The following STK33 variants were observed in gnomAD, a reference collection of about 807,000 sequenced individuals.
The protein encoded by STK33 is serine/threonine kinase 33.
Under a neutral mutation model 58.0 loss-of-function variants are expected in STK33, and 52 were observed. The ratio of observed to expected loss-of-function variants is 0.90; its 90% CI spans 0.72 to 1.13. The LOEUF (loss-of-function observed/expected upper bound fraction) is 1.13. Among genes scored for constraint, STK33 ranks in the 50% most tolerant of loss-of-function variants. STK33 has a pLI of 0.00. For missense variants in STK33, 630 were observed against 604.2 expected, an observed-to-expected ratio of 1.04 and a Z score of -0.45; for synonymous variants, 215 against 200.1, an observed-to-expected ratio of 1.07 and a Z score of -0.63.
At chr11:8,570,144 T>A in intron 1 of STK33, among the ~76,000 whole-genome samples, 2 of 152,134 alleles carry the variant, frequency 1.3e-5, no homozygotes, top group Non-Finnish European at 2.9e-5. Flanking sequence ...ATATGAGTGT[T>A]CAATTAATAG....
chr11:8,507,152 C>A (rs1951922249), intron 1 of STK33, among the ~76,000 whole-genome samples: 1 of 152,134 alleles, frequency 6.6e-6, no homozygotes, highest in South Asian at 2.1e-4. Flanking sequence ...TGACGCAAGG[C>A]CTTCTAGCAG....
At chr11:8,571,590 T>A (rs1957809687) in intron 1 of STK33, among the ~76,000 whole-genome samples, 1 of 152,052 alleles carries the variant, frequency 6.6e-6, no homozygotes, top group African/African-American at 2.4e-5. Flanking sequence ...TCCCAACACT[T>A]TGGGAGGCTG....
intron 1 of STK33, among the ~76,000 whole-genome samples, chr11:8,568,826 T>A (rs1037413889): frequency 6.6e-6 from 1 of 152,166 alleles, no homozygotes; most frequent in Non-Finnish European, 1.5e-5. Flanking sequence ...CTATATTACC[T>A]TCTTATTTTT....
intron 1 of STK33, among the ~76,000 whole-genome samples, chr11:8,553,967 C>A (rs1956549905): frequency 6.6e-6 from 1 of 152,114 alleles, no homozygotes; most frequent in Admixed American, 6.6e-5. Flanking sequence ...ACCTAAAAAG[C>A]TTCTGCAGAG....
chr11:8,574,830 G>A (rs983171101), intron 1 of STK33, among the ~76,000 whole-genome samples: 1 of 151,932 alleles, frequency 6.6e-6, no homozygotes, highest in African/African-American at 2.4e-5. Context: ...CCTGAAGCCA[G>A]GAGTTCAAGA....
the STK33 span, among the ~76,000 whole-genome samples, chr11:8,354,552 C>G: frequency 6.6e-6 from 1 of 150,478 alleles, no homozygotes; most frequent in East Asian, 2.0e-4. Context: ...CAGCCCCACC[C>G]AGCTCAAGCA....
intron 6 of STK33, among the ~76,000 whole-genome samples, chr11:8,471,918 ATTAT>A (rs1948816031): frequency 6.6e-6 from 1 of 152,024 alleles, no homozygotes; most frequent in Non-Finnish European, 1.5e-5. Flanking sequence ...GACTAAATTT[ATTAT>A]TTATTTATTT....
chr11:8,359,261 T>G, the STK33 span, among the ~76,000 whole-genome samples: 3 of 152,126 alleles, frequency 2.0e-5, no homozygotes, highest in South Asian at 2.1e-4. Flanking sequence ...GACTGCTAGT[T>G]ATATGTCAGT....
chr11:8,490,742 G>T (rs1229268220), intron 1 of STK33, among the ~76,000 whole-genome samples: 1 of 152,140 alleles, frequency 6.6e-6, no homozygotes, highest in African/African-American at 2.4e-5. Context: ...AGAAATATTT[G>T]CTGTTCTGCA....
At chr11:8,476,255 A>T (rs1949262636) in intron 4 of STK33, among the ~76,000 whole-genome samples, 1 of 152,238 alleles carries the variant, frequency 6.6e-6, no homozygotes, top group South Asian at 2.1e-4. Flanking sequence ...ATGCAGGCAA[A>T]GCTGCACTTA....
At chr11:8,449,035 C>T (rs1247572540) in intron 11 of STK33, among the ~76,000 whole-genome samples, 8 of 151,672 alleles carry the variant, frequency 5.3e-5, no homozygotes, top group Admixed American at 4.6e-4. Context: ...TGAAAAAATG[C>T]TCATCATCAC....
intron 1 of STK33, among the ~76,000 whole-genome samples, chr11:8,585,888 T>C (rs1398251121): frequency 2.6e-5 from 4 of 152,048 alleles, no homozygotes; most frequent in Non-Finnish European, 4.4e-5. Flanking sequence ...AACCTCGTCC[T>C]ACTAAAAATA....
At position 8,474,946 on chromosome 11, in the gene STK33, C is replaced by G. The variant is rs762204031; in HGVS notation, c.-41G>C. 4.6e-6 allele frequency: 7 copies of G among 1,527,808 alleles called. No homozygotes were observed. In the South Asian group the frequency reaches 9.1e-5, roughly 20 times the overall value. The allele number at this position is 1,527,808 out of a possible 1,614,324, so 94.6% of individuals were successfully genotyped here. ...ACAAAAGCAACTTTAAAAATGTTTC[C>G]ACTGTTTGAGGAAGAAAACCAGGCC... On this transcript the variant is annotated 5_prime_UTR_variant, in exon 5 of 16. Coordinates refer to ENST00000687296, the MANE Select transcript of STK33 (RefSeq NM_001352389.2).
chr11:8,572,402 G>A (rs943655206), intron 1 of STK33, among the ~76,000 whole-genome samples: 1 of 152,106 alleles, frequency 6.6e-6, no homozygotes, highest in African/African-American at 2.4e-5. Context: ...ACTATTTAAA[G>A]AAGTCACCTA....
chr11:8,405,156 G>A (rs1162797079), intron 15 of STK33, among the ~76,000 whole-genome samples: 1 of 152,052 alleles, frequency 6.6e-6, no homozygotes, highest in African/African-American at 2.4e-5. Flanking sequence ...AAAAGTAAAT[G>A]CCAAACTATA....
At chr11:8,415,597 G>C (rs1941000324) in intron 14 of STK33, among the ~76,000 whole-genome samples, 1 of 152,060 alleles carries the variant, frequency 6.6e-6, no homozygotes, top group Admixed American at 6.6e-5. Context: ...GGTCATGGAA[G>C]GTACTAAGAG....
chr11:8,432,828 A>G (rs1010664239), intron 14 of STK33, among the ~76,000 whole-genome samples: 1 of 152,200 alleles, frequency 6.6e-6, no homozygotes, highest in Non-Finnish European at 1.5e-5. Flanking sequence ...TCTAAATTTC[A>G]TCCACTGAAT....
chr11:8,423,930 T>C (rs1300626651), intron 14 of STK33, among the ~76,000 whole-genome samples: 1 of 152,076 alleles, frequency 6.6e-6, no homozygotes, highest in Non-Finnish European at 1.5e-5. Flanking sequence ...GTTGAATCTT[T>C]AATCCTTATA....
In STK33 at chr11:8,591,860, T is replaced by C. The variant is rs374676649; in HGVS notation, c.-466+2223A>G. Among the ~76,000 whole-genome samples the C allele has an allele frequency of 7.5e-4, 114 of 151,714 alleles. 4 individuals carry two copies. The East Asian group carries it at 0.018, about 25-fold the overall frequency. Reference sequence around the variant, plus strand: ...TGGGGTGGGGGGGAGTGGGGAGGGATAGCATTAGGAGATATACCTAATGCT... The same window carrying C: ...TGGGGTGGGGGGGAGTGGGGAGGGACAGCATTAGGAGATATACCTAATGCT... On this transcript the variant is annotated intron_variant, in intron 1 of 15. Coordinates refer to ENST00000687296, the MANE Select transcript of STK33 (RefSeq NM_001352389.2).
Sources: gnomAD v4.1 joint callset for allele counts (sites outside exome capture counted in the v4.1 genomes callset) on GRCh38, gnomAD v4.1.1 for gene constraint, MANE v1.5 for transcripts, NCBI Gene and HGNC (gene_info 2026-07-23, HGNC 2026-07-21) for gene names.